The following ARMH1 variants were observed in gnomAD, a reference collection of about 807,000 sequenced individuals.
ARMH1 encodes the protein armadillo-like helical domain containing protein 1.
A neutral mutation model predicts 50.2 loss-of-function variants in ARMH1; 34 were observed. That is an observed-to-expected ratio of 0.68 (90% CI 0.51 to 0.90). ARMH1 has a LOEUF of 0.90. Among genes scored for constraint, ARMH1 ranks in the 40% least tolerant of loss-of-function variants. The pLI, the probability that ARMH1 is intolerant of heterozygous loss-of-function variation, is 0.00. For missense variants in ARMH1, 538 were observed against 553.9 expected (o/e 0.97, Z 0.29); for synonymous variants, 221 against 224.2 (o/e 0.99, Z 0.13).
At position 44,724,032 on chromosome 1, in the gene ARMH1, G is replaced by A; in HGVS notation, c.725-90G>A. 1 of 1,479,394 alleles carries A rather than the reference G, an allele frequency of 6.8e-7. No homozygotes were observed. The highest frequency in any genetic ancestry group is 9.1e-7 in the Non-Finnish European group (1 of 1,103,456). 91.6% of individuals were successfully genotyped at this position (1,479,394 alleles called of 1,614,324 possible). On this transcript the variant is annotated intron_variant, in intron 6 of 11. Coordinates refer to ENST00000535358, the MANE Select transcript of ARMH1 (RefSeq NM_001145636.2). The surrounding 1 kb of genome is among the most constrained non-coding windows in gnomAD (Gnocchi z 6.4). The stretch of plus-strand genomic sequence containing the variant: ...CTGATCAGTAAAAGAGGAGGACACT[G>A]ACGAGTGGCGACTTGGTTCACGGGG...
Position 44,689,829 on chromosome 1 carries a change from C to T in ARMH1, c.132C>T (p.Ala44=). 1 of 1,551,632 alleles carries T rather than the reference C, an allele frequency of 6.4e-7. No homozygotes were observed. The highest frequency in any genetic ancestry group is 8.7e-7 in the Non-Finnish European group (1 of 1,146,990). Residue 44 remains alanine (A), a synonymous_variant, in exon 2 of 12, where the codon GCC becomes GCT. Transcript: ENST00000535358. ...TTGAAACCAACCAAGGCAAGACTGC[C>T]CCTGAACTGGAGCAGGAGTTTTCCC... The part of the protein sequence containing the change: ...KFIETNQGKT[A]PELEQEFSQG...
intron 1 of ARMH1, chr1:44,688,420 A>G (rs1645545713): frequency 1.3e-5 from 2 of 152,216 alleles, no homozygotes; most frequent in Non-Finnish European, 2.9e-5. Flanking sequence ...ACATGTGAGG[A>G]AATGTTAATT....
intron 6 of ARMH1, among the ~76,000 whole-genome samples, chr1:44,712,298 A>C (rs1222875312): frequency 6.6e-6 from 1 of 152,136 alleles, no homozygotes; most frequent in Non-Finnish European, 1.5e-5. Flanking sequence ...CTCTCTACTA[A>C]AAATACAAAA....
chr1:44,679,719 G>A (rs1056284819), intron 1 of ARMH1, among the ~76,000 whole-genome samples: 4 of 152,222 alleles, frequency 2.6e-5, no homozygotes, highest in Non-Finnish European at 5.9e-5. Context: ...CTGCCACTCC[G>A]CACATGGCAG....
At position 44,720,492 on chromosome 1, in the gene ARMH1, A is replaced by G. The variant is rs568609014; in HGVS notation, c.725-3630A>G. ...TGCATTGTGTACATGGAATGGTTTC[A>G]GGCTCTAGGTAAACAGAAGTGAGAT... On this transcript the variant is annotated intron_variant, in intron 6 of 11. Coordinates refer to ENST00000535358, the MANE Select transcript of ARMH1 (RefSeq NM_001145636.2). 2.6e-5 allele frequency among the ~76,000 whole-genome samples: 4 copies of G among 152,346 alleles called. No individual in the cohort carries two copies. In the South Asian group the frequency reaches 6.2e-4, roughly 24 times the overall value.
intron 2 of ARMH1, among the ~76,000 whole-genome samples, chr1:44,693,641 A>G (rs1462690855): frequency 6.6e-6 from 1 of 152,128 alleles, no homozygotes; most frequent in Non-Finnish European, 1.5e-5. Flanking sequence ...TTGTAGAGAC[A>G]GGATCTTGCT....
intron 1 of ARMH1, among the ~76,000 whole-genome samples, chr1:44,686,739 G>A (rs1645482811): frequency 6.6e-6 from 1 of 151,962 alleles, no homozygotes. Flanking sequence ...AATAATGTTG[G>A]AGGATAGAAA....
chr1:44,698,292 C>T, intron 4 of ARMH1, 63 bp downstream of exon 4: 1 of 1,396,144 alleles, frequency 7.2e-7, no homozygotes, highest in Non-Finnish European at 9.6e-7. Context: ...TGGCAGAACC[C>T]ACCACTGCTA....
At chr1:44,705,873 G>A (rs1372557142) in intron 6 of ARMH1, among the ~76,000 whole-genome samples, 1 of 152,130 alleles carries the variant, frequency 6.6e-6, no homozygotes, top group Admixed American at 6.5e-5. Flanking sequence ...AGAATAGGGA[G>A]GATTTGGGAA....
Position 44,724,312 on chromosome 1 carries a change from C to T in ARMH1, c.848-8C>T, listed in dbSNP as rs2148806834. ...CGGTCTCTTGCCTCACGGCTGCCCC[C>T]TCCTCAGACCCCTCGGTTCTCCAGC... On this transcript the variant is annotated splice_region_variant and splice_polypyrimidine_tract_variant and intron_variant, in intron 7 of 11. Coordinates refer to ENST00000535358, the MANE Select transcript of ARMH1 (RefSeq NM_001145636.2). The surrounding 1 kb of genome is among the most constrained non-coding windows in gnomAD (Gnocchi z 6.4). 1 of 1,551,282 alleles carries T rather than the reference C, an allele frequency of 6.4e-7. No homozygotes were observed.
At chr1:44,697,035 T>C (rs1015373641) in intron 2 of ARMH1, 67 bp from the exon 3 acceptor site, 1 of 1,232,690 alleles carries the variant, frequency 8.1e-7, no homozygotes, top group Admixed American at 2.0e-5. Context: ...GTACCAGAGA[T>C]CAGGCACGGG....
At chr1:44,676,145 C>T (rs116622239) in intron 1 of ARMH1, among the ~76,000 whole-genome samples, 1 of 152,162 alleles carries the variant, frequency 6.6e-6, no homozygotes, top group African/African-American at 2.4e-5. Flanking sequence ...GACTTGGTTA[C>T]TAATTGGGTG....
intron 2 of ARMH1, among the ~76,000 whole-genome samples, 195 bp from the exon 3 acceptor site, chr1:44,696,907 A>C (rs778600824): frequency 2.0e-5 from 3 of 152,164 alleles, no homozygotes; most frequent in Non-Finnish European, 4.4e-5. Flanking sequence ...GAGAACAGTG[A>C]ACAGCCAGCA....
intron 1 of ARMH1, among the ~76,000 whole-genome samples, chr1:44,679,441 G>C (rs1273166501): frequency 2.0e-5 from 3 of 152,200 alleles, no homozygotes; most frequent in African/African-American, 7.2e-5. Flanking sequence ...GATCATTAGA[G>C]TCTCTGGTTG....
chr1:44,714,898 T>G (rs1557557555), intron 6 of ARMH1, among the ~76,000 whole-genome samples: 1 of 151,966 alleles, frequency 6.6e-6, no homozygotes. Context: ...TCTTTTTTTG[T>G]TGGGGGGGAA....
Position 44,681,089 on chromosome 1 carries a change from G to A in ARMH1, c.-23+6216G>A, listed in dbSNP as rs1645297310. Among the ~76,000 whole-genome samples, 1 of 151,416 alleles carries A rather than the reference G, an allele frequency of 6.6e-6. No homozygotes were observed. The highest frequency in any genetic ancestry group is 2.4e-5 in the African/African-American group (1 of 41,168). ...GGCTCACTGCAAGCTCCACCTCCCG[G>A]GTTCACGCCATTCTCCTGCCTCAGC... On this transcript the variant is annotated intron_variant, in intron 1 of 11. Coordinates refer to ENST00000535358, the MANE Select transcript of ARMH1 (RefSeq NM_001145636.2). The surrounding 1 kb of genome is among the most constrained non-coding windows in gnomAD (Gnocchi z 4.3).
chr1:44,704,179 G>C lies in ARMH1; in HGVS notation c.724+6G>C. ...CCTGGAAGTCCAGTATGAAGGTAGG[G>C]AGCCTCCAGATTGCAGAAGGGGGCA... On this transcript the variant is annotated splice_donor_region_variant and intron_variant, in intron 6 of 11. Coordinates refer to ENST00000535358, the MANE Select transcript of ARMH1 (RefSeq NM_001145636.2). 1.3e-6 allele frequency: 2 copies of C among 1,550,400 alleles called. No individual in the cohort carries two copies. Among genetic ancestry groups the C allele is most frequent in the Non-Finnish European group, 1.7e-6 (2 of 1,146,018 alleles).
rs1385712368 is a variant in ARMH1, at chr1:44,683,557, G to A, written c.-22-6119G>A. ...GTAGAACCAGGGGATTCTGGGGTTA[G>A]GAAAAGAGTCATTCACAATCCATCA... On this transcript the variant is annotated intron_variant, in intron 1 of 11. Transcript: ENST00000535358. This position sits in a 1 kb window ranked among gnomAD's most constrained non-coding sequence, Gnocchi z 4.2. Among the ~76,000 whole-genome samples the A allele has an allele frequency of 6.6e-6, 1 of 152,214 alleles. No individual in the cohort carries two copies. Among genetic ancestry groups the A allele is most frequent in the Non-Finnish European group, 1.5e-5 (1 of 68,044 alleles).
At chr1:44,722,774 G>C (rs1647514731) in intron 6 of ARMH1, among the ~76,000 whole-genome samples, 1 of 146,862 alleles carries the variant, frequency 6.8e-6, no homozygotes, top group East Asian at 2.1e-4. Flanking sequence ...TTACTGGCTG[G>C]GCCCACCGGG....
Sources: allele counts gnomAD v4.1 joint callset (sites outside exome capture counted in the v4.1 genomes callset), GRCh38; gene constraint gnomAD v4.1.1; non-coding constraint Gnocchi (gnomAD v3.1); transcripts MANE v1.5; gene names NCBI Gene and HGNC (gene_info 2026-07-23, HGNC 2026-07-21).